HHAT: variants seen among roughly 807,000 people sequenced by gnomAD.
The protein encoded by HHAT is hedgehog acyltransferase.
Under a neutral mutation model 70.8 loss-of-function variants are expected in HHAT, and 47 were observed. The ratio of observed to expected loss-of-function variants is 0.66; its 90% CI spans 0.53 to 0.85. The LOEUF (loss-of-function observed/expected upper bound fraction) is 0.85. Among genes scored for constraint, HHAT ranks in the 40% least tolerant of loss-of-function variants. The pLI, the probability that HHAT is intolerant of heterozygous loss-of-function variation, is 0.00. For synonymous variants in HHAT, 228 were observed against 247.6 expected, an observed-to-expected ratio of 0.92 and a Z score of 0.74; for missense variants, 609 against 604.8, an observed-to-expected ratio of 1.01 and a Z score of -0.07.
chr1:210,346,407 C>T (rs2086531659), intron 1 of HHAT, among the ~76,000 whole-genome samples: 1 of 152,128 alleles, frequency 6.6e-6, no homozygotes, highest in Non-Finnish European at 1.5e-5. Flanking sequence ...CTACCAAATT[C>T]CTGAAAAGTT....
At chr1:210,375,741 A>G (rs552520369) in intron 3 of HHAT, among the ~76,000 whole-genome samples, 6 of 151,628 alleles carry the variant, frequency 4.0e-5, no homozygotes, top group East Asian at 1.9e-4. Context: ...AAATTTAATG[A>G]CACCAATGTC....
At chr1:210,642,050 T>C (rs1293333895) in intron 11 of HHAT, among the ~76,000 whole-genome samples, 1 of 152,232 alleles carries the variant, frequency 6.6e-6, no homozygotes, top group Non-Finnish European at 1.5e-5. Flanking sequence ...AAGTTTTGAA[T>C]GTTTTGTTCC....
chr1:210,451,743 T>C (rs2093760219), intron 7 of HHAT, among the ~76,000 whole-genome samples: 1 of 152,190 alleles, frequency 6.6e-6, no homozygotes, highest in Non-Finnish European at 1.5e-5. Flanking sequence ...CATGCCTGAC[T>C]AATTTTTAAA....
At chr1:210,555,418 C>A (rs548294617) in intron 9 of HHAT, among the ~76,000 whole-genome samples, 1 of 152,248 alleles carries the variant, frequency 6.6e-6, no homozygotes, top group African/African-American at 2.4e-5. Flanking sequence ...TTAAGTTGTG[C>A]GTAAGACTAG....
intron 5 of HHAT, among the ~76,000 whole-genome samples, chr1:210,402,004 G>T (rs964824687): frequency 6.6e-6 from 1 of 152,180 alleles, no homozygotes; most frequent in Non-Finnish European, 1.5e-5. Flanking sequence ...GCTGTGTGAG[G>T]TTCCTTCTCT....
intron 9 of HHAT, among the ~76,000 whole-genome samples, chr1:210,581,007 T>C (rs1472377655): frequency 6.6e-6 from 1 of 152,192 alleles, no homozygotes; most frequent in Non-Finnish European, 1.5e-5. Context: ...GACTTTTTAA[T>C]AATCACCATT....
At chr1:210,403,821 T>C (rs2092199171) in intron 5 of HHAT, among the ~76,000 whole-genome samples, 1 of 152,244 alleles carries the variant, frequency 6.6e-6, no homozygotes. Context: ...TTCTCATTTT[T>C]TGTTCCATGC....
At chr1:210,481,510 A>G (rs1338902182) in intron 8 of HHAT, among the ~76,000 whole-genome samples, 7 of 152,174 alleles carry the variant, frequency 4.6e-5, no homozygotes, top group Non-Finnish European at 1.0e-4. Context: ...TAACAATGAA[A>G]TCGCCAAAAA....
intron 7 of HHAT, among the ~76,000 whole-genome samples, chr1:210,436,111 T>C (rs989690053): frequency 2.6e-5 from 4 of 151,860 alleles, no homozygotes; most frequent in Admixed American, 2.6e-4. Flanking sequence ...TGTAAGTCTT[T>C]AGTGTGGTTT....
intron 9 of HHAT, among the ~76,000 whole-genome samples, chr1:210,569,261 C>T (rs919748311): frequency 7.3e-5 from 11 of 150,796 alleles, no homozygotes; most frequent in African/African-American, 2.7e-4. Context: ...GTAACCCCAG[C>T]GACTCGGGAG....
intron 10 of HHAT, chr1:210,589,041 A>C (rs1200462682): frequency 6.6e-6 from 1 of 152,224 alleles, no homozygotes; most frequent in African/African-American, 2.4e-5. Flanking sequence ...AGTTCTGAAG[A>C]TGTAGCAATA....
chr1:210,626,251 A>G (rs1036917259), intron 11 of HHAT, among the ~76,000 whole-genome samples: 4 of 152,172 alleles, frequency 2.6e-5, no homozygotes, highest in African/African-American at 4.8e-5. Flanking sequence ...CTGACATCCT[A>G]TGGAGTTAAC....
intron 3 of HHAT, among the ~76,000 whole-genome samples, chr1:210,377,743 C>T (rs1043267816): frequency 6.6e-6 from 1 of 152,140 alleles, no homozygotes; most frequent in Non-Finnish European, 1.5e-5. Context: ...CACAAAACAC[C>T]TCCCCTTTAC....
intron 8 of HHAT, among the ~76,000 whole-genome samples, chr1:210,487,466 G>T (rs1330941913): frequency 6.6e-6 from 1 of 152,164 alleles, no homozygotes; most frequent in African/African-American, 2.4e-5. Flanking sequence ...CTGAAGGGAA[G>T]TTCACAGTGG....
chr1:210,389,336 G>T (rs2091295653), intron 4 of HHAT, among the ~76,000 whole-genome samples: 1 of 152,206 alleles, frequency 6.6e-6, no homozygotes, highest in Non-Finnish European at 1.5e-5. Context: ...GAGATCACGT[G>T]GTGAGCATGA....
At chr1:210,607,040 G>T (rs1665591558) in intron 10 of HHAT, among the ~76,000 whole-genome samples, 2 of 152,134 alleles carry the variant, frequency 1.3e-5, no homozygotes, top group Admixed American at 6.6e-5. Flanking sequence ...TGGGGGTGAA[G>T]AAGGAAGAGG....
At chr1:210,616,353 C>A (rs1052125525) in intron 10 of HHAT, among the ~76,000 whole-genome samples, 2 of 150,686 alleles carry the variant, frequency 1.3e-5, no homozygotes, top group Non-Finnish European at 3.0e-5. Context: ...CCCCTTTTCC[C>A]CCAGGGCCTA....
At chr1:210,555,858 T>G (rs1037062266) in intron 9 of HHAT, among the ~76,000 whole-genome samples, 26 of 152,168 alleles carry the variant, frequency 1.7e-4, no homozygotes, top group African/African-American at 6.0e-4. Context: ...GAAGTGTTAT[T>G]AAGCCCTGTG....
rs556403196 is a variant in HHAT at position 210,380,206 on chromosome 1, C to T, written c.160-7262C>T. 2.6e-5 allele frequency among the ~76,000 whole-genome samples: 4 copies of T among 152,270 alleles called. No individual in the cohort carries two copies. The South Asian group carries it at 8.3e-4, about 32-fold the overall frequency. On this transcript the variant is annotated intron_variant, in intron 3 of 11. Coordinates refer to ENST00000261458, the MANE Select transcript of HHAT (RefSeq NM_018194.6). ...ATATGTAGACCCTGTCGGAAAGGAG[C>T]TCACAGTCTAGTGGAGAGACAGCTC... is the stretch of plus-strand genomic sequence containing the variant.
Sources: gnomAD v4.1 joint callset for allele counts (sites outside exome capture counted in the v4.1 genomes callset) on GRCh38, gnomAD v4.1.1 for gene constraint, MANE v1.5 for transcripts, NCBI Gene and HGNC (gene_info 2026-07-23, HGNC 2026-07-21) for gene names.